SRSF4: variants seen among roughly 807,000 people sequenced by gnomAD.
SRSF4 encodes serine/arginine-rich splicing factor 4.
In SRSF4, 12 loss-of-function variants were observed where a neutral mutation model predicts 48.8. That is an observed-to-expected ratio of 0.25 (90% CI 0.16 to 0.40). The LOEUF (loss-of-function observed/expected upper bound fraction) is 0.40. Among genes scored for constraint, SRSF4 ranks in the 10% least tolerant of loss-of-function variants. The pLI is 1.00. For synonymous variants in SRSF4, 248 were observed against 232.5 expected (o/e 1.07, Z -0.61); for missense variants, 466 against 667.1 (o/e 0.70, Z 3.32).
rs75949020 is a variant in SRSF4 at position 29,150,981 on chromosome 1, C to T, written c.579-789G>A. Among the ~76,000 whole-genome samples, 760 of 152,248 alleles carry T rather than the reference C, an allele frequency of 5.0e-3. 7 individuals carry two copies. The highest frequency in any genetic ancestry group is 8.5e-3 in the Non-Finnish European group (578 of 68,010). ...TCTATTCAACTCACTGTGACGAGAGCTGTTTTAAAGAGACCGACAATCCAA... is the reference window on the plus strand; with the variant it reads ...TCTATTCAACTCACTGTGACGAGAGTTGTTTTAAAGAGACCGACAATCCAA... On this transcript the variant is annotated intron_variant, in intron 4 of 5. Coordinates refer to ENST00000373795, the MANE Select transcript of SRSF4 (RefSeq NM_005626.5).
At chr1:29,161,690 C>A (rs1326536611) in intron 1 of SRSF4, among the ~76,000 whole-genome samples, 1 of 152,208 alleles carries the variant, frequency 6.6e-6, no homozygotes, top group African/African-American at 2.4e-5. Context: ...CCTCCACCTC[C>A]TGGGTTCAAG....
At chr1:29,155,807 T>C (rs1010544389) in intron 3 of SRSF4, among the ~76,000 whole-genome samples, 7 of 152,198 alleles carry the variant, frequency 4.6e-5, no homozygotes, top group African/African-American at 1.7e-4. Context: ...TTCTAAATCT[T>C]ATAGTGACAA....
rs397709097 is a variant in SRSF4 at position 29,156,368 on chromosome 1, A to AAT, written c.364-1459_364-1458insAT. 6.0e-5 allele frequency among the ~76,000 whole-genome samples: 9 copies of AAT among 151,212 alleles called. No homozygotes were observed. In the East Asian group the frequency reaches 1.2e-3, roughly 20 times the overall value. ...ACCTTCGTCTCAAAAAAAAAAAAAA[A>AAT]TTTATTTTTTAAACTACTAATATCC... On this transcript the variant is annotated intron_variant, in intron 3 of 5. Coordinates refer to ENST00000373795, the MANE Select transcript of SRSF4 (RefSeq NM_005626.5).
At chr1:29,158,893 G>A (rs576459404) in intron 3 of SRSF4, among the ~76,000 whole-genome samples, 28 of 152,188 alleles carry the variant, frequency 1.8e-4, no homozygotes, top group African/African-American at 4.8e-4. Context: ...AGGCTGAGGC[G>A]GGTGGATCAC....
In SRSF4 at chr1:29,177,893, A is replaced by ATTTTTTTT. The variant is rs397979781; in HGVS notation, c.107+3745_107+3752dup. On this transcript the variant is annotated intron_variant, in intron 1 of 5. Coordinates refer to ENST00000373795, the MANE Select transcript of SRSF4 (RefSeq NM_005626.5). Reference sequence around the variant, plus strand: ...TTTGGTCATCTTCCTATTACACAAGATTTTTTTTTTTTTTTTTTTTTTTTG... The same window carrying ATTTTTTTT: ...TTTGGTCATCTTCCTATTACACAAGATTTTTTTTTTTTTTTTTTTTTTTTTTTTTTTTG... 1.9e-4 allele frequency among the ~76,000 whole-genome samples: 18 copies of ATTTTTTTT among 93,620 alleles called. 1 individual carries two copies. Among genetic ancestry groups the ATTTTTTTT allele is most frequent in the African/African-American group, 7.5e-4 (17 of 22,582 alleles). The allele number at this position is 93,620 out of a possible 152,430, so 61.4% of individuals were successfully genotyped here. A position where few individuals can be genotyped will look rare whatever the true frequency, so the allele number is the denominator to read the frequency against.
intron 1 of SRSF4, among the ~76,000 whole-genome samples, chr1:29,167,254 C>T (rs1411987303): frequency 6.6e-6 from 1 of 152,252 alleles, no homozygotes; most frequent in Non-Finnish European, 1.5e-5. Context: ...ACCTTGACTA[C>T]ACAAGTTGAA....
chr1:29,171,972 G>A (rs550427320), intron 1 of SRSF4: 1 of 152,278 alleles, frequency 6.6e-6, no homozygotes, highest in South Asian at 2.1e-4. Context: ...AGGAGTGGAG[G>A]TCTTGAACCA....
intron 3 of SRSF4, among the ~76,000 whole-genome samples, chr1:29,157,455 C>T (rs1015864794): frequency 2.0e-5 from 3 of 152,094 alleles, no homozygotes; most frequent in Non-Finnish European, 4.4e-5. Context: ...CAATCCCTAA[C>T]TCTCAGAATA....
chr1:29,169,062 A>G (rs1672708226), intron 1 of SRSF4: 1 of 152,374 alleles, frequency 6.6e-6, no homozygotes, highest in South Asian at 2.1e-4. Context: ...ACTCTTCTTC[A>G]CATTTCTTTG....
At chr1:29,172,737 C>T (rs1436779503) in intron 1 of SRSF4, 2 of 152,162 alleles carry the variant, frequency 1.3e-5, no homozygotes, top group African/African-American at 4.8e-5. Context: ...ATGTTCACTC[C>T]TGCTGTGACA....
At chr1:29,151,017 A>T (rs1489541051) in intron 4 of SRSF4, among the ~76,000 whole-genome samples, 2 of 152,138 alleles carry the variant, frequency 1.3e-5, no homozygotes, top group African/African-American at 2.4e-5. Flanking sequence ...GCTTTACAAA[A>T]TTTTTTTAAT....
At chr1:29,176,291 G>C (rs552460127) in intron 1 of SRSF4, among the ~76,000 whole-genome samples, 2 of 151,972 alleles carry the variant, frequency 1.3e-5, no homozygotes, top group African/African-American at 4.8e-5. Context: ...ACAACAAATA[G>C]GTGGTAGGGT....
Position 29,181,871 on chromosome 1 carries a change from G to C in SRSF4, c.-119C>G, listed in dbSNP as rs1218359753. 1.3e-6 allele frequency: 1 copy of C among 760,340 alleles called. No individual in the cohort carries two copies. The highest frequency in any genetic ancestry group is 1.9e-6 in the Non-Finnish European group (1 of 536,626). The allele number at this position is 760,340 out of a possible 1,614,324, so 47.1% of individuals were successfully genotyped here. On this transcript the variant is annotated 5_prime_UTR_variant, in exon 1 of 6. Transcript: ENST00000373795. The stretch of plus-strand genomic sequence containing the variant: ...ACGGGCGGGCGGCGGGACGGACGCA[G>C]CCGAACCCCGGCGACGTACGCGAGC...
intron 3 of SRSF4, 91 bp from the exon 4 acceptor site, chr1:29,155,001 G>T: frequency 1.7e-6 from 2 of 1,169,836 alleles, no homozygotes; most frequent in East Asian, 2.4e-5. Context: ...TTTAAGAAAT[G>T]CCAGCATTCC....
rs564348051 is a variant in SRSF4 at position 29,169,816 on chromosome 1, CATT to C, written c.108-9302_108-9300del. On this transcript the variant is annotated intron_variant, in intron 1 of 5. Coordinates refer to ENST00000373795, the MANE Select transcript of SRSF4 (RefSeq NM_005626.5). ...AGTAGGGTGAGAAAAACAGAACAAT[CATT>C]ATCCTAAACACCAAACAGTAAAACT... is the stretch of plus-strand genomic sequence containing the variant. The C allele has an allele frequency of 7.2e-5, 11 of 152,286 alleles. No homozygotes were observed. The South Asian group carries it at 2.3e-3, about 32-fold the overall frequency. 9.4% of individuals were successfully genotyped at this position (152,286 alleles called of 1,614,324 possible).
In SRSF4 at chr1:29,148,948, C is replaced by T. The variant is rs1482902539; in HGVS notation, c.947G>A (p.Ser316Asn). The change falls in exon 6 of 6, where the codon AGT (serine) becomes AAT (asparagine). Residue 316 changes from serine (S) to asparagine (N), a missense_variant. Ser to Asn is a conservative substitution (Grantham distance 46). Transcript: ENST00000373795. The stretch of plus-strand genomic sequence containing the variant: ...CTCCTGGCTCCTGCCCCTGCTCACA[C>T]TCCCTCGCTTCTCCTCCTCCACTCT... Reference protein sequence around the residue: ...ERRVEEEKRGSVSRGRSQEKS... With the variant: ...ERRVEEEKRGNVSRGRSQEKS... The T allele has an allele frequency of 6.2e-7, 1 of 1,612,176 alleles. No homozygotes were observed.
chr1:29,167,070 C>A (rs905626611), intron 1 of SRSF4, among the ~76,000 whole-genome samples: 1 of 152,338 alleles, frequency 6.6e-6, no homozygotes, highest in South Asian at 2.1e-4. Context: ...GCTGGGCCTT[C>A]AGGGCTGTCT....
chr1:29,150,099 A>T lies in SRSF4; in HGVS notation c.668+4T>A, dbSNP rs746546262. The T allele has an allele frequency of 1.9e-6, 3 of 1,565,938 alleles. No individual in the cohort carries two copies. Among genetic ancestry groups the T allele is most frequent in the Non-Finnish European group, 1.7e-6 (2 of 1,157,190 alleles). On this transcript the variant is annotated splice_donor_region_variant and intron_variant, in intron 5 of 5. Transcript: ENST00000373795. ...CACCTCTACTTATAACATGGAAGAC[A>T]TACCTGGACCGAGATCTACTCTTAG...
intron 1 of SRSF4, among the ~76,000 whole-genome samples, chr1:29,176,703 AC>A (rs1476958171): frequency 6.6e-6 from 1 of 152,070 alleles, no homozygotes; most frequent in East Asian, 1.9e-4. Flanking sequence ...CACAACAACG[AC>A]CTGCCTCACT....
Sources: allele counts gnomAD v4.1 joint callset (sites outside exome capture counted in the v4.1 genomes callset), GRCh38; gene constraint gnomAD v4.1.1; transcripts MANE v1.5; gene names NCBI Gene and HGNC (gene_info 2026-07-23, HGNC 2026-07-21).